KCNA6: variants seen among roughly 807,000 people sequenced by gnomAD.
KCNA6 encodes human brain potassium channel-2.
Under a neutral mutation model 29.5 loss-of-function variants are expected in KCNA6, and 17 were observed. That is an observed-to-expected ratio of 0.58 (90% CI 0.39 to 0.86). KCNA6 has a LOEUF of 0.86. Ranked by LOEUF, KCNA6 falls within the 40% of genes least tolerant of loss-of-function variation. The probability of loss-of-function intolerance (pLI) is 0.00; values close to 1 mark genes in which losing one functional copy is unlikely to be tolerated. For missense variants in KCNA6, 450 were observed against 703.4 expected (o/e 0.64, Z 4.07); for synonymous variants, 296 against 304.7 (o/e 0.97, Z 0.30).
the KCNA6 span, among the ~76,000 whole-genome samples, chr12:4,849,489 CTTTT>C: frequency 0.52 from 51,980 of 100,932 alleles, 12,949 homozygotes; most frequent in Admixed American, 0.59. Flanking sequence ...GATTTTTGCT[CTTTT>C]TTTTTTTTTT....
chr12:4,830,999 T>C, the KCNA6 span, among the ~76,000 whole-genome samples: 1 of 152,198 alleles, frequency 6.6e-6, no homozygotes, highest in African/African-American at 2.4e-5. Flanking sequence ...TGTGAGTTGG[T>C]GTGGGGGAGT....
chr12:4,827,198 T>TTCCCTCCTTCCTTCCTTCC, the KCNA6 span, among the ~76,000 whole-genome samples: 1 of 77,014 alleles, frequency 1.3e-5, no homozygotes, highest in African/African-American at 4.4e-5. Context: ...CCTTCCTTCC[T>TTCCCTCCTTCCTTCCTTCC]TCCTTCCCTC....
At chr12:4,847,049 G>C in the KCNA6 span, among the ~76,000 whole-genome samples, 1,269 of 151,844 alleles carry the variant, frequency 8.4e-3, 19 homozygotes, top group African/African-American at 0.03. Context: ...CTCTTAAAGT[G>C]CTGGGATTAC....
the KCNA6 span, among the ~76,000 whole-genome samples, chr12:4,844,649 A>G: frequency 3.9e-4 from 60 of 152,232 alleles, no homozygotes; most frequent in African/African-American, 1.4e-3. This position sits in a 1 kb window ranked among gnomAD's most constrained non-coding sequence, Gnocchi z 4.0. Flanking sequence ...AGCCAGGGTG[A>G]CACAGATTGC....
At chr12:4,840,601 C>T in the KCNA6 span, among the ~76,000 whole-genome samples, 1 of 152,206 alleles carries the variant, frequency 6.6e-6, no homozygotes, top group African/African-American at 2.4e-5. Flanking sequence ...AGGAATGACA[C>T]GTTCCACATC....
chr12:4,844,057 G>A, the KCNA6 span, among the ~76,000 whole-genome samples: 7 of 151,614 alleles, frequency 4.6e-5, no homozygotes, highest in Non-Finnish European at 8.8e-5. This position sits in a 1 kb window ranked among gnomAD's most constrained non-coding sequence, Gnocchi z 4.0. Context: ...TTTTAAGTTC[G>A]TTTTCTGGGA....
chr12:4,828,809 C>T, the KCNA6 span, among the ~76,000 whole-genome samples: 8 of 152,150 alleles, frequency 5.3e-5, no homozygotes, highest in African/African-American at 1.9e-4. Flanking sequence ...CTAGTGTTGC[C>T]CCTGTGGGAT....
the KCNA6 span, among the ~76,000 whole-genome samples, chr12:4,832,229 G>A: frequency 6.6e-6 from 1 of 151,956 alleles, no homozygotes; most frequent in Middle Eastern, 3.2e-3. Flanking sequence ...AGACAGAGAG[G>A]GAAATGTGAG....
the KCNA6 span, among the ~76,000 whole-genome samples, chr12:4,837,387 G>C: frequency 2.0e-5 from 3 of 152,192 alleles, no homozygotes; most frequent in Admixed American, 1.3e-4. Flanking sequence ...CACGGAGGGG[G>C]TCATGGCAAC....
the KCNA6 span, among the ~76,000 whole-genome samples, chr12:4,843,462 G>A: frequency 6.6e-6 from 1 of 152,202 alleles, no homozygotes; most frequent in Non-Finnish European, 1.5e-5. Flanking sequence ...CTACAGGCGT[G>A]AGCCACTGCG....
rs2137573006 is a variant in KCNA6, at chr12:4,810,987, G to T, written c.946G>T (p.Val316Leu). ...CTTCATCACCCTGGGCACTGAGCTG[G>T]TGCAGCAGCAGGAGCAGCAACCAGC... is the stretch of plus-strand genomic sequence containing the variant. Residue 316 changes from valine to leucine, a missense_variant, in exon 1 of 1, where the codon GTG becomes TTG. By Grantham distance (32) the Val-to-Leu change is conservative. Coordinates refer to ENST00000280684, the Ensembl canonical transcript of KCNA6. This position sits in a 1 kb window ranked among gnomAD's most constrained non-coding sequence, Gnocchi z 7.5. The T allele has an allele frequency of 6.2e-7, 1 of 1,614,254 alleles. No individual in the cohort carries two copies. The highest frequency in any genetic ancestry group is 2.2e-5 in the East Asian group (1 of 44,886).
chr12:4,811,375 C>A lies in KCNA6; in HGVS notation c.1334C>A (p.Ala445Asp), dbSNP rs766519111. ...ATCGTGGGCTCGCTGTGTGCCATCG[C>A]TGGGGTCCTCACCATTGCCCTGCCT... is the stretch of plus-strand genomic sequence containing the variant. The change falls in exon 1 of 1, where the codon GCT becomes GAT. Residue 445 changes from alanine (A) to aspartate (D), a missense_variant. Ala to Asp is a moderately radical substitution (Grantham distance 126). Around this residue, in one of 7 missense-constraint regions of KCNA6, gnomAD observed 57 missense variants for 140.3 expected, o/e 0.41. Coordinates refer to ENST00000280684, the Ensembl canonical transcript of KCNA6. The surrounding 1 kb of genome is among the most constrained non-coding windows in gnomAD (Gnocchi z 7.1). 1 of 1,614,152 alleles carries A rather than the reference C, an allele frequency of 6.2e-7. No homozygotes were observed. The highest frequency in any genetic ancestry group is 8.5e-7 in the Non-Finnish European group (1 of 1,180,020).
chr12:4,834,629 C>A, the KCNA6 span, among the ~76,000 whole-genome samples: 20 of 152,064 alleles, frequency 1.3e-4, no homozygotes, highest in Admixed American at 3.9e-4. Context: ...TGGGTTCTGA[C>A]AGTAAAGACC....
At chr12:4,820,591 A>ACT in the KCNA6 span, among the ~76,000 whole-genome samples, 12 of 144,500 alleles carry the variant, frequency 8.3e-5, no homozygotes, top group African/African-American at 2.8e-4. Context: ...ACACACACAC[A>ACT]CTCTTAAAAA....
chr12:4,811,457 G>A lies in KCNA6; in HGVS notation c.1416G>A (p.Glu472=). ...TCTACCACCGGGAGACGGAGCAGGAGGAGCAAGGCCAGTATACCCACGTCA... is the reference window on the plus strand; with the variant it reads ...TCTACCACCGGGAGACGGAGCAGGAAGAGCAAGGCCAGTATACCCACGTCA... The change falls in exon 1 of 1, where the codon GAG becomes GAA. Residue 472 remains glutamate (E), a synonymous_variant. Coordinates refer to ENST00000280684, the Ensembl canonical transcript of KCNA6. This position sits in a 1 kb window ranked among gnomAD's most constrained non-coding sequence, Gnocchi z 7.1. The A allele has an allele frequency of 6.2e-7, 1 of 1,614,202 alleles. No homozygotes were observed. The highest frequency in any genetic ancestry group is 1.1e-5 in the South Asian group (1 of 91,082).
the KCNA6 span, among the ~76,000 whole-genome samples, chr12:4,838,702 C>T: frequency 5.3e-5 from 8 of 152,132 alleles, no homozygotes; most frequent in East Asian, 5.8e-4. Context: ...GCTAGAAATC[C>T]GTCATCAAGG....
At chr12:4,837,191 G>A in the KCNA6 span, among the ~76,000 whole-genome samples, 3 of 152,214 alleles carry the variant, frequency 2.0e-5, no homozygotes, top group Non-Finnish European at 4.4e-5. Flanking sequence ...GTTTCAAAGA[G>A]CTTCTGGATA....
the KCNA6 span, among the ~76,000 whole-genome samples, chr12:4,849,185 G>A: frequency 1.3e-5 from 2 of 152,014 alleles, no homozygotes; most frequent in African/African-American, 2.4e-5. Context: ...CTAAGAACAT[G>A]CTGTAGGTGG....
downstream of KCNA6, among the ~76,000 whole-genome samples, chr12:4,817,645 A>C (rs1345381555): frequency 7.9e-5 from 12 of 152,234 alleles, no homozygotes; most frequent in Admixed American, 6.5e-4. Context: ...TTTTCAGAAC[A>C]AAAGAGGAAA....
Sources: gnomAD v4.1 joint callset for allele counts (sites outside exome capture counted in the v4.1 genomes callset) on GRCh38, gnomAD v4.1.1 for gene constraint, gnomAD v4.1.1 regional missense constraint, Gnocchi (gnomAD v3.1) non-coding constraint, MANE v1.5 for transcripts, NCBI Gene and HGNC (gene_info 2026-07-23, HGNC 2026-07-21) for gene names.